GRK5: variants seen among roughly 807,000 people sequenced by gnomAD.
GRK5 encodes the protein G protein-coupled receptor kinase 5.
Under a neutral mutation model 78.4 loss-of-function variants are expected in GRK5, and 40 were observed. The observed-to-expected ratio is 0.51, with a 90% CI of 0.40 to 0.66. GRK5 has a LOEUF of 0.66. Among genes scored for constraint, GRK5 ranks in the 30% least tolerant of loss-of-function variants. The pLI is 0.00. For missense variants in GRK5, 598 were observed against 759.9 expected (o/e 0.79, Z 2.50); for synonymous variants, 289 against 296.8 (o/e 0.97, Z 0.27).
intron 1 of GRK5, among the ~76,000 whole-genome samples, chr10:119,308,401 G>A (rs571379601): frequency 2.0e-5 from 3 of 151,724 alleles, no homozygotes; most frequent in Non-Finnish European, 2.9e-5. Context: ...AAGGGCTCTC[G>A]CTGCTGCTTC....
chr10:119,244,247 T>C (rs1178204526), intron 1 of GRK5, among the ~76,000 whole-genome samples: 1 of 152,278 alleles, frequency 6.6e-6, no homozygotes, highest in African/African-American at 2.4e-5. Flanking sequence ...ATCCCCTTGA[T>C]ATAAACATGA....
At chr10:119,346,253 A>T (rs17098739) in intron 2 of GRK5, among the ~76,000 whole-genome samples, 2 of 152,314 alleles carry the variant, frequency 1.3e-5, no homozygotes, top group East Asian at 3.9e-4. Context: ...GCATCGCCGC[A>T]GCGGGGCCGA....
chr10:119,260,485 G>C (rs1849364281), intron 1 of GRK5, among the ~76,000 whole-genome samples: 1 of 150,746 alleles, frequency 6.6e-6, no homozygotes, highest in African/African-American at 2.4e-5. Flanking sequence ...GGACAATAGT[G>C]GAGGGAAGGT....
At chr10:119,227,371 A>T (rs1848758844) in intron 1 of GRK5, among the ~76,000 whole-genome samples, 1 of 152,202 alleles carries the variant, frequency 6.6e-6, no homozygotes, top group African/African-American at 2.4e-5. Flanking sequence ...GTTTGAGACC[A>T]GCCTGGGCAA....
At position 119,378,772 on chromosome 10, in the gene GRK5, C is replaced by T. The variant is rs1236881060; in HGVS notation, c.149-2043C>T. On this transcript the variant is annotated intron_variant, in intron 2 of 15. Coordinates refer to ENST00000392870, the MANE Select transcript of GRK5 (RefSeq NM_005308.3). This position sits in a 1 kb window ranked among gnomAD's most constrained non-coding sequence, Gnocchi z 4.5. ...CCCTGCTGGCATCCCAGGGAACAGA[C>T]AGTGTCTTTCCTGGAAGTTCTGGCA... 6.6e-6 allele frequency among the ~76,000 whole-genome samples: 1 copy of T among 152,270 alleles called. No individual in the cohort carries two copies. The highest frequency in any genetic ancestry group is 1.5e-5 in the Non-Finnish European group (1 of 68,052).
intron 1 of GRK5, among the ~76,000 whole-genome samples, chr10:119,300,447 G>T (rs1390612644): frequency 6.6e-6 from 1 of 152,216 alleles, no homozygotes; most frequent in Non-Finnish European, 1.5e-5. Flanking sequence ...TGGGTAAGCA[G>T]TCTGTATATT....
At chr10:119,418,554 G>T (rs1411794256) in intron 4 of GRK5, among the ~76,000 whole-genome samples, 1 of 152,192 alleles carries the variant, frequency 6.6e-6, no homozygotes, top group Non-Finnish European at 1.5e-5. Context: ...GGGATAGCTG[G>T]GTGTCACCCT....
At chr10:119,241,199 C>T (rs975147048) in intron 1 of GRK5, among the ~76,000 whole-genome samples, 3 of 152,138 alleles carry the variant, frequency 2.0e-5, no homozygotes, top group South Asian at 2.1e-4. Flanking sequence ...GGCAGGGTGC[C>T]GTCATCTATC....
intron 6 of GRK5, among the ~76,000 whole-genome samples, chr10:119,427,470 C>T (rs1373616897): frequency 5.9e-5 from 9 of 151,762 alleles, no homozygotes; most frequent in Non-Finnish European, 1.2e-4. Context: ...ATCAGCATCA[C>T]CACCATCATC....
intron 1 of GRK5, among the ~76,000 whole-genome samples, chr10:119,248,305 C>G (rs187492672): frequency 0.022 from 3,295 of 152,260 alleles, 58 homozygotes; most frequent in Admixed American, 0.055. Context: ...GAGCCACTAT[C>G]GCTGGCTGTT....
chr10:119,446,430 G>T (rs1853149132), intron 12 of GRK5, among the ~76,000 whole-genome samples: 2 of 152,174 alleles, frequency 1.3e-5, no homozygotes, highest in Admixed American at 6.5e-5. Flanking sequence ...GTCCCACCTG[G>T]CAGGAGCTGA....
chr10:119,277,639 AC>A (rs1849691352), intron 1 of GRK5, among the ~76,000 whole-genome samples: 1 of 151,972 alleles, frequency 6.6e-6, no homozygotes, highest in African/African-American at 2.4e-5. Flanking sequence ...ATATATCCAT[AC>A]CCGTGTGAAT....
intron 4 of GRK5, among the ~76,000 whole-genome samples, chr10:119,401,347 C>T (rs946991406): frequency 6.6e-6 from 1 of 152,180 alleles, no homozygotes; most frequent in African/African-American, 2.4e-5. Context: ...GACCCTGCCT[C>T]GAATCCTGCA....
At position 119,380,825 on chromosome 10, in the gene GRK5, C is replaced by T; in HGVS notation, c.159C>T (p.Tyr53=). 6.2e-7 allele frequency: 1 copy of T among 1,608,360 alleles called. No individual in the cohort carries two copies. Among genetic ancestry groups the T allele is most frequent in the Non-Finnish European group, 8.5e-7 (1 of 1,174,870 alleles). The part of the protein sequence containing the change: ...EDLRRTIDRD[Y]CSLCDKQPIG... Reference sequence around the variant, plus strand: ...TTTTCTTGTCTCCAGACAGAGATTACTGCAGTTTATGTGACAAGCAGCCAA... The same window carrying T: ...TTTTCTTGTCTCCAGACAGAGATTATTGCAGTTTATGTGACAAGCAGCCAA... Residue 53 remains tyrosine (Y), a synonymous_variant, in exon 3 of 16, where the codon TAC becomes TAT. Coordinates refer to ENST00000392870, the MANE Select transcript of GRK5 (RefSeq NM_005308.3).
chr10:119,285,025 T>TA (rs1353543711), intron 1 of GRK5, among the ~76,000 whole-genome samples: 3 of 152,212 alleles, frequency 2.0e-5, no homozygotes, highest in African/African-American at 7.2e-5. Flanking sequence ...CCAGAACAGG[T>TA]ACGATGTGTT....
intron 4 of GRK5, among the ~76,000 whole-genome samples, chr10:119,415,131 G>T (rs1224046232): frequency 6.6e-6 from 1 of 151,606 alleles, no homozygotes; most frequent in Non-Finnish European, 1.5e-5. Context: ...TGGCAGTGAT[G>T]GCAGTGATGA....
intron 2 of GRK5, among the ~76,000 whole-genome samples, chr10:119,373,407 C>T (rs12414328): frequency 0.026 from 3,993 of 152,248 alleles, 107 homozygotes; most frequent in Admixed American, 0.06. Context: ...TGGGTCTTTC[C>T]CATGCTGTTC....
chr10:119,326,401 T>A (rs1453419943), intron 1 of GRK5, 115 bp from the exon 2 acceptor site: 1 of 751,294 alleles, frequency 1.3e-6, no homozygotes, highest in Non-Finnish European at 2.3e-6. Context: ...GTCACTGGCT[T>A]GGCCTACAGC....
chr10:119,218,925 G>T (rs1453142847), intron 1 of GRK5, among the ~76,000 whole-genome samples: 2 of 149,284 alleles, frequency 1.3e-5, no homozygotes, highest in Non-Finnish European at 3.0e-5. Context: ...TTGAGACGGA[G>T]TCTCGCTCTG....
Sources: gnomAD v4.1 joint callset for allele counts (sites outside exome capture counted in the v4.1 genomes callset) on GRCh38, gnomAD v4.1.1 for gene constraint, Gnocchi (gnomAD v3.1) non-coding constraint, MANE v1.5 for transcripts, NCBI Gene and HGNC (gene_info 2026-07-23, HGNC 2026-07-21) for gene names.